SLC25A27: variants seen among roughly 807,000 people sequenced by gnomAD.
SLC25A27 encodes solute carrier family 25 member 27, also known as mitochondrial uncoupling protein 4.
SLC25A27 carries 35 observed loss-of-function variants against 49.1 expected under a neutral mutation model. The ratio of observed to expected loss-of-function variants is 0.71; its 90% CI spans 0.54 to 0.95. SLC25A27 has a LOEUF of 0.95. Ranked by LOEUF, SLC25A27 falls within the 40% of genes least tolerant of loss-of-function variation. The probability of loss-of-function intolerance (pLI) is 0.00; values close to 1 mark genes in which losing one functional copy is unlikely to be tolerated. For missense variants in SLC25A27, 339 were observed against 397.1 expected, an observed-to-expected ratio of 0.85 and a Z score of 1.24; for synonymous variants, 144 against 136.9, an observed-to-expected ratio of 1.05 and a Z score of -0.36.
intron 1 of SLC25A27, chr6:46,654,029 G>C (rs1239597286): frequency 1.0e-4 from 80 of 773,458 alleles, no homozygotes; most frequent in Non-Finnish European, 1.2e-4. Context: ...TAAAAGCATA[G>C]AAGAGCAGTT....
rs1582499152 is a variant in SLC25A27, at chr6:46,658,993, A to G, written c.330A>G (p.Glu110=). 1.2e-6 allele frequency: 2 copies of G among 1,613,808 alleles called. No homozygotes were observed. The highest frequency in any genetic ancestry group is 2.2e-5 in the East Asian group (1 of 44,870). The part of the protein sequence containing the change: ...VYSGGRMVTY[E]HLREVVFGKS... ...CTGGAGGTCGAATGGTCACATATGA[A>G]CATCTCCGAGAGGTTGTGTTTGGCA... Residue 110 remains glutamate (E), a synonymous_variant, in exon 3 of 9, where the codon GAA becomes GAG. Transcript: ENST00000371347.
At chr6:46,672,873 G>A (rs1040793650) in intron 8 of SLC25A27, among the ~76,000 whole-genome samples, 1 of 152,220 alleles carries the variant, frequency 6.6e-6, no homozygotes, top group Non-Finnish European at 1.5e-5. Flanking sequence ...GATAATAAAT[G>A]ATATCATCAA....
intron 2 of SLC25A27, among the ~76,000 whole-genome samples, chr6:46,657,605 T>C (rs1763029377): frequency 6.6e-6 from 1 of 152,244 alleles, no homozygotes; most frequent in African/African-American, 2.4e-5. Context: ...AAAATTTTCT[T>C]AATAAAAATT....
At chr6:46,659,804 G>A (rs893740761) in intron 3 of SLC25A27, among the ~76,000 whole-genome samples, 22 of 151,802 alleles carry the variant, frequency 1.4e-4, no homozygotes, top group African/African-American at 4.8e-4. Context: ...GCAGTGAGCC[G>A]AGATTGCACT....
rs79167107 is a variant in SLC25A27, at chr6:46,661,389, G to A, written c.384-987G>A. ...GTTCAAATTTCTTAAAGTTATGTTCGTTAAATAAATTATGGCATATCCATA... is the reference window on the plus strand; with the variant it reads ...GTTCAAATTTCTTAAAGTTATGTTCATTAAATAAATTATGGCATATCCATA... On this transcript the variant is annotated intron_variant, in intron 3 of 8. Coordinates refer to ENST00000371347, the MANE Select transcript of SLC25A27 (RefSeq NM_004277.5). 2.7e-3 allele frequency among the ~76,000 whole-genome samples: 415 copies of A among 152,266 alleles called. 12 individuals carry two copies. In the East Asian group the frequency reaches 0.056, roughly 20 times the overall value.
At chr6:46,659,754 C>T (rs1461032045) in intron 3 of SLC25A27, among the ~76,000 whole-genome samples, 1 of 151,798 alleles carries the variant, frequency 6.6e-6, no homozygotes, top group Non-Finnish European at 1.5e-5. Flanking sequence ...ACACAGGAGG[C>T]TGAGGCAGGA....
rs373510141 is a variant in SLC25A27 at position 46,671,146 on chromosome 6, C to T, written c.818C>T (p.Ser273Leu). The change falls in exon 8 of 9, where the codon TCG becomes TTG. Residue 273 changes from serine to leucine, a missense_variant. Ser to Leu is a moderately radical substitution (Grantham distance 145). Transcript: ENST00000371347. ...TTTAGGGGACTTTTGTATAAATCATCGACTGACTGCTTGATTCAGGCTGTT... is the reference window on the plus strand; with the variant it reads ...TTTAGGGGACTTTTGTATAAATCATTGACTGACTGCTTGATTCAGGCTGTT... ...KQGRGLLYKS[S>L]TDCLIQAVQG... 7 of 1,598,950 alleles carry T rather than the reference C, an allele frequency of 4.4e-6. No homozygotes were observed. Among genetic ancestry groups the T allele is most frequent in the Non-Finnish European group, 3.4e-6 (4 of 1,173,882 alleles).
rs373099444 is a variant in SLC25A27 at position 46,655,807 on chromosome 6, G to A, written c.107-36G>A. ...TAGATTTTTGTTTGTTTCTCTGAATGTTGTGGGTTTTTCCCTGCATTTGTG... is the reference window on the plus strand; with the variant it reads ...TAGATTTTTGTTTGTTTCTCTGAATATTGTGGGTTTTTCCCTGCATTTGTG... On this transcript the variant is annotated intron_variant, in intron 1 of 8. Coordinates refer to ENST00000371347, the MANE Select transcript of SLC25A27 (RefSeq NM_004277.5). 175 of 1,578,928 alleles carry A rather than the reference G, an allele frequency of 1.1e-4. 1 individual carries two copies. Among genetic ancestry groups the A allele is most frequent in the Non-Finnish European group, 1.4e-4 (163 of 1,155,022 alleles).
At chr6:46,665,508 AC>A (rs1430906611) in intron 5 of SLC25A27, among the ~76,000 whole-genome samples, 1 of 152,006 alleles carries the variant, frequency 6.6e-6, no homozygotes, top group East Asian at 1.9e-4. Context: ...ACATGGTGAA[AC>A]CCCGTCTCTA....
intron 4 of SLC25A27, among the ~76,000 whole-genome samples, chr6:46,664,220 CATCT>C (rs1224834132): frequency 6.6e-6 from 1 of 152,200 alleles, no homozygotes; most frequent in African/African-American, 2.4e-5. Flanking sequence ...CACCATTCTT[CATCT>C]ATCTATAGAG....
intron 5 of SLC25A27, among the ~76,000 whole-genome samples, chr6:46,665,621 G>T (rs1045712091): frequency 6.6e-6 from 1 of 152,114 alleles, no homozygotes; most frequent in Non-Finnish European, 1.5e-5. Flanking sequence ...GGGAGGCGAA[G>T]CTTGCAGTGA....
At chr6:46,664,649 T>G (rs1337418378) in intron 4 of SLC25A27, 125 bp from the exon 5 acceptor site, 1 of 485,464 alleles carries the variant, frequency 2.1e-6, no homozygotes. Flanking sequence ...TTCTAATAAT[T>G]CTGGATAAAT....
chr6:46,656,334 C>T (rs1194997257), intron 2 of SLC25A27, among the ~76,000 whole-genome samples: 1 of 151,170 alleles, frequency 6.6e-6, no homozygotes, highest in African/African-American at 2.4e-5. Flanking sequence ...GTGCACGCCA[C>T]CACACCCAGC....
intron 1 of SLC25A27, 21 bp from the exon 2 acceptor site, chr6:46,655,822 C>G: frequency 6.2e-7 from 1 of 1,606,192 alleles, no homozygotes; most frequent in Non-Finnish European, 8.5e-7. Flanking sequence ...GGGTTTTTCC[C>G]TGCATTTGTG....
In SLC25A27 at chr6:46,653,053, G is replaced by A. The variant is rs944334033; in HGVS notation, c.-140G>A. 1 of 778,552 alleles carries A rather than the reference G, an allele frequency of 1.3e-6. No individual in the cohort carries two copies. The highest frequency in any genetic ancestry group is 1.7e-5 in the South Asian group (1 of 58,938). 48.2% of individuals were successfully genotyped at this position (778,552 alleles called of 1,614,324 possible). A position where few individuals can be genotyped will look rare whatever the true frequency, so the allele number is the denominator to read the frequency against. On this transcript the variant is annotated 5_prime_UTR_variant, in exon 1 of 9. Coordinates refer to ENST00000371347, the MANE Select transcript of SLC25A27 (RefSeq NM_004277.5). Reference sequence around the variant, plus strand: ...GCTAGGAAGGTTGCGGGTCCACCCGGCCGAGCCGAACGAGGGAAATGGTCC... The same window carrying A: ...GCTAGGAAGGTTGCGGGTCCACCCGACCGAGCCGAACGAGGGAAATGGTCC...
At chr6:46,658,697 A>G in intron 2 of SLC25A27, 1 of 471,808 alleles carries the variant, frequency 2.1e-6, no homozygotes, top group East Asian at 4.0e-5. Context: ...GTCCTGAAAG[A>G]CAAGGAGATG....
intron 1 of SLC25A27, among the ~76,000 whole-genome samples, chr6:46,655,130 G>A (rs1762931466): frequency 1.3e-5 from 2 of 152,176 alleles, no homozygotes; most frequent in African/African-American, 4.8e-5. Flanking sequence ...AGTAGGCGAT[G>A]CATATAATTT....
In SLC25A27 at chr6:46,662,451, T is replaced by C; in HGVS notation, c.459T>C (p.Val153=). The stretch of plus-strand genomic sequence containing the variant: ...CCAATCCAACTGACCTAGTGAAGGT[T>C]CAGATGCAAATGGAAGGAAAAAGGA... ...FLANPTDLVK[V]QMQMEGKRKL... The change falls in exon 4 of 9, where the codon GTT becomes GTC. Residue 153 remains valine, a synonymous_variant. Transcript: ENST00000371347. The C allele has an allele frequency of 6.2e-7, 1 of 1,614,070 alleles. No homozygotes were observed. Among genetic ancestry groups the C allele is most frequent in the South Asian group, 1.1e-5 (1 of 91,072 alleles).
chr6:46,672,074 G>A (rs953784780), intron 8 of SLC25A27, among the ~76,000 whole-genome samples: 2 of 152,150 alleles, frequency 1.3e-5, no homozygotes, highest in African/African-American at 2.4e-5. Context: ...GTTATGGGAA[G>A]AGTGCATAAT....
Sources: allele counts gnomAD v4.1 joint callset (sites outside exome capture counted in the v4.1 genomes callset), GRCh38; gene constraint gnomAD v4.1.1; transcripts MANE v1.5; gene names NCBI Gene and HGNC (gene_info 2026-07-23, HGNC 2026-07-21).